Variants in FOXO3 observed in about 807,000 individuals in gnomAD.
FOXO3 encodes the protein forkhead box O3, also known as forkhead box protein O3.
In FOXO3, 4 loss-of-function variants were observed where a neutral mutation model predicts 41.9. That is an observed-to-expected ratio of 0.10 (90% CI 0.05 to 0.22). The LOEUF (loss-of-function observed/expected upper bound fraction) is 0.22. FOXO3 is among the 10% of genes least tolerant of loss of function. FOXO3 has a pLI of 1.00. For synonymous variants in FOXO3, 318 were observed against 389.3 expected (o/e 0.82, Z 2.16); for missense variants, 534 against 906.8 (o/e 0.59, Z 5.28).
chr6:108,656,397 G>A (rs775745510), intron 1 of FOXO3: 12 of 985,228 alleles, frequency 1.2e-5, no homozygotes, highest in African/African-American at 5.2e-5. Context: ...TGAAGCGGAC[G>A]TAGGGTACAA....
At chr6:108,561,995 G>T (rs1468895026) in intron 1 of FOXO3, among the ~76,000 whole-genome samples, 166 bp downstream of exon 1, 1 of 152,052 alleles carries the variant, frequency 6.6e-6, no homozygotes, top group Non-Finnish European at 1.5e-5. Context: ...CCGGAGTCGG[G>T]GCACCTGGGG....
intron 1 of FOXO3, among the ~76,000 whole-genome samples, chr6:108,563,681 A>G (rs1775875946): frequency 6.6e-6 from 1 of 152,262 alleles, no homozygotes; most frequent in Admixed American, 6.5e-5. Context: ...ACGTTAACGT[A>G]GGAAGGCGTT....
intron 1 of FOXO3, among the ~76,000 whole-genome samples, chr6:108,633,776 C>T (rs1418760604): frequency 6.6e-6 from 1 of 151,680 alleles, no homozygotes; most frequent in Admixed American, 6.6e-5. Flanking sequence ...AGGGGAGAAA[C>T]TGGACTAATG....
At chr6:108,648,127 C>T (rs2128381556) in intron 1 of FOXO3, among the ~76,000 whole-genome samples, 1 of 152,142 alleles carries the variant, frequency 6.6e-6, no homozygotes, top group East Asian at 1.9e-4. Context: ...AGTCCATAGA[C>T]AAGTCGAAGA....
chr6:108,577,409 G>A (rs558998467), intron 1 of FOXO3, among the ~76,000 whole-genome samples: 52 of 152,250 alleles, frequency 3.4e-4, no homozygotes, highest in Middle Eastern at 6.8e-3. Context: ...GGCACTCCTG[G>A]CTGCTGTTCC....
At chr6:108,604,743 A>G (rs1777145828) in intron 1 of FOXO3, among the ~76,000 whole-genome samples, 2 of 151,080 alleles carry the variant, frequency 1.3e-5, no homozygotes, top group South Asian at 4.2e-4. Flanking sequence ...TTTGCTTTTC[A>G]GTTTGTTTGG....
intron 1 of FOXO3, among the ~76,000 whole-genome samples, chr6:108,662,112 A>G (rs375117888): frequency 6.6e-6 from 1 of 152,156 alleles, no homozygotes; most frequent in East Asian, 1.9e-4. Flanking sequence ...TTTAGCCGTC[A>G]TATCTCCTTA....
At chr6:108,597,910 T>C (rs539379235) in intron 1 of FOXO3, among the ~76,000 whole-genome samples, 1 of 152,348 alleles carries the variant, frequency 6.6e-6, no homozygotes, top group East Asian at 1.9e-4. Flanking sequence ...AAAATTAGAA[T>C]TCATGCTTTT....
intron 1 of FOXO3, among the ~76,000 whole-genome samples, chr6:108,647,830 A>G (rs1422387294): frequency 1.3e-5 from 2 of 152,240 alleles, no homozygotes; most frequent in African/African-American, 4.8e-5. Context: ...CTGGCTCATC[A>G]TTAATAAGCT....
chr6:108,653,594 C>T (rs1470081823), intron 1 of FOXO3, among the ~76,000 whole-genome samples: 2 of 152,094 alleles, frequency 1.3e-5, no homozygotes, highest in African/African-American at 2.4e-5. Context: ...AAGAGGGTTT[C>T]CTGGCCCTCT....
At chr6:108,632,192 C>A (rs766337576) in intron 1 of FOXO3, among the ~76,000 whole-genome samples, 17 of 152,096 alleles carry the variant, frequency 1.1e-4, no homozygotes, top group Non-Finnish European at 2.4e-4. Context: ...GTTTTAGATG[C>A]GGTGCTAGGC....
chr6:108,578,215 T>A (rs1157855709), intron 1 of FOXO3, among the ~76,000 whole-genome samples: 1 of 152,132 alleles, frequency 6.6e-6, no homozygotes, highest in Non-Finnish European at 1.5e-5. Context: ...ATTCTCAGGC[T>A]TACCCCACAC....
chr6:108,576,230 T>C (rs553649029), intron 1 of FOXO3, among the ~76,000 whole-genome samples: 1 of 152,298 alleles, frequency 6.6e-6, no homozygotes, highest in South Asian at 2.1e-4. Context: ...CTATTTAGTC[T>C]CCTCCCCTTA....
intron 1 of FOXO3, among the ~76,000 whole-genome samples, chr6:108,562,362 G>A (rs1389139236): frequency 6.6e-6 from 1 of 152,110 alleles, no homozygotes; most frequent in African/African-American, 2.4e-5. Context: ...AACACCTACA[G>A]GCACATCGAT....
intron 1 of FOXO3, among the ~76,000 whole-genome samples, chr6:108,655,489 A>G (rs747800950): frequency 2.6e-5 from 4 of 152,300 alleles, no homozygotes; most frequent in Non-Finnish European, 2.9e-5. Context: ...AGGAAAGACC[A>G]TTGGTTCTTG....
chr6:108,658,597 G>C (rs558455763), intron 1 of FOXO3, among the ~76,000 whole-genome samples: 2 of 152,216 alleles, frequency 1.3e-5, no homozygotes, highest in East Asian at 3.9e-4. Flanking sequence ...ATCCAGGCTG[G>C]AGTGCAGTGG....
intron 2 of FOXO3, among the ~76,000 whole-genome samples, chr6:108,676,795 C>T (rs1053508326): frequency 6.6e-6 from 1 of 152,200 alleles, no homozygotes; most frequent in Non-Finnish European, 1.5e-5. Context: ...CATGTACAAA[C>T]ATTGAGCCAC....
At chr6:108,631,822 T>G (rs1777984289) in intron 1 of FOXO3, among the ~76,000 whole-genome samples, 1 of 152,220 alleles carries the variant, frequency 6.6e-6, no homozygotes, top group Admixed American at 6.5e-5. Context: ...ATAACTGTTC[T>G]TTATGGTTTT....
At chr6:108,671,277 T>G (rs1317577488) in intron 2 of FOXO3, among the ~76,000 whole-genome samples, 1 of 152,216 alleles carries the variant, frequency 6.6e-6, no homozygotes, top group African/African-American at 2.4e-5. Context: ...TGCAGAGCAC[T>G]TTATGTTTGA....
Sources: gnomAD v4.1 joint callset for allele counts (sites outside exome capture counted in the v4.1 genomes callset) on GRCh38, gnomAD v4.1.1 for gene constraint, MANE v1.5 for transcripts, NCBI Gene and HGNC (gene_info 2026-07-23, HGNC 2026-07-21) for gene names.